The following MPDZ variants were observed in gnomAD, a reference collection of about 807,000 sequenced individuals.
MPDZ encodes the protein multiple PDZ domain crumbs cell polarity complex component.
MPDZ carries 234 observed loss-of-function variants against 239.1 expected under a neutral mutation model. The observed-to-expected ratio is 0.98, with a 90% CI of 0.88 to 1.09. The LOEUF (loss-of-function observed/expected upper bound fraction) is 1.09. Among genes scored for constraint, MPDZ ranks in the 50% least tolerant of loss-of-function variants. The pLI is 0.00. For synonymous variants in MPDZ, 1,048 were observed against 881.3 expected (o/e 1.19, Z -3.35); for missense variants, 3,175 against 2,510.0 (o/e 1.26, Z -5.66).
intron 3 of MPDZ, among the ~76,000 whole-genome samples, chr9:13,236,087 A>G (rs1011743845): frequency 6.6e-6 from 1 of 150,422 alleles, no homozygotes; most frequent in African/African-American, 2.4e-5. Context: ...TCAAACCTGC[A>G]AAGATCTTAT....
At chr9:13,130,798 A>G (rs959729341) in intron 32 of MPDZ, among the ~76,000 whole-genome samples, 4 of 152,222 alleles carry the variant, frequency 2.6e-5, no homozygotes, top group Admixed American at 1.3e-4. Context: ...AACCTTCTCC[A>G]TGAGCTCTTG....
At chr9:13,185,622 T>C (rs1006075830) in intron 18 of MPDZ, among the ~76,000 whole-genome samples, 1 of 152,168 alleles carries the variant, frequency 6.6e-6, no homozygotes, top group Admixed American at 6.6e-5. Context: ...TATTTAGTTT[T>C]ATCCTTTAGT....
chr9:13,171,333 G>C (rs1020070744), intron 21 of MPDZ, among the ~76,000 whole-genome samples: 1 of 152,138 alleles, frequency 6.6e-6, no homozygotes, highest in African/African-American at 2.4e-5. Context: ...AATGAAGCCT[G>C]TTAGTACAAC....
intron 3 of MPDZ, among the ~76,000 whole-genome samples, chr9:13,236,113 C>T (rs949626560): frequency 1.3e-5 from 2 of 148,590 alleles, no homozygotes; most frequent in East Asian, 2.0e-4. Flanking sequence ...CTTAAAACTA[C>T]GTAATAAGAG....
chr9:13,122,709 GT>G (rs932111943), intron 36 of MPDZ, among the ~76,000 whole-genome samples: 10 of 151,914 alleles, frequency 6.6e-5, no homozygotes, highest in Non-Finnish European at 1.2e-4. Context: ...TAGAGATAGG[GT>G]TTTGCCATGT....
intron 3 of MPDZ, among the ~76,000 whole-genome samples, chr9:13,232,655 A>C (rs973775554): frequency 4.6e-5 from 7 of 151,860 alleles, no homozygotes; most frequent in Non-Finnish European, 8.8e-5. Flanking sequence ...CCACAAAGAA[A>C]AAAATTTATT....
At chr9:13,109,588 T>C (rs977460149) in intron 45 of MPDZ, among the ~76,000 whole-genome samples, 2 of 152,196 alleles carry the variant, frequency 1.3e-5, no homozygotes, top group East Asian at 3.9e-4. Context: ...AATGATAATA[T>C]ATTAGATGAA....
chr9:13,188,978 C>A lies in MPDZ; in HGVS notation c.2170G>T (p.Ala724Ser), dbSNP rs759980012. ...ILDYQDPIDP[A>S]STVIIIRSLV... ...GAACGAATTATAATCACAGTGCTTG[C>A]TGGATCAATTGGATCCTGACAGAAG... Residue 724 changes from alanine (A) to serine (S), a missense_variant, in exon 17 of 47, where the codon GCA becomes TCA. Coordinates refer to ENST00000319217, the MANE Select transcript of MPDZ (RefSeq NM_001378778.1). 2.5e-6 allele frequency: 4 copies of A among 1,612,772 alleles called. No individual in the cohort carries two copies. The highest frequency in any genetic ancestry group is 8.5e-7 in the Non-Finnish European group (1 of 1,179,264).
intron 1 of MPDZ, among the ~76,000 whole-genome samples, chr9:13,251,233 TG>T (rs1018558618): frequency 1.3e-4 from 20 of 151,316 alleles, no homozygotes; most frequent in Admixed American, 1.3e-3. Flanking sequence ...AAATCACGGA[TG>T]AAAAACTGAA....
intron 13 of MPDZ, among the ~76,000 whole-genome samples, chr9:13,194,473 A>G (rs1009726188): frequency 2.0e-5 from 3 of 152,058 alleles, no homozygotes; most frequent in Non-Finnish European, 2.9e-5. Flanking sequence ...ATATGTTCTC[A>G]CTCATAAGTG....
chr9:13,277,856 C>G (rs1488741887), intron 1 of MPDZ, among the ~76,000 whole-genome samples: 3 of 152,164 alleles, frequency 2.0e-5, no homozygotes, highest in Non-Finnish European at 2.9e-5. Flanking sequence ...TGAGCCATTG[C>G]GCCTGGCCAA....
intron 1 of MPDZ, among the ~76,000 whole-genome samples, chr9:13,275,858 C>A (rs1974066543): frequency 6.6e-6 from 1 of 152,158 alleles, no homozygotes; most frequent in South Asian, 2.1e-4. Context: ...CCACTGCCCA[C>A]TCACATCCCA....
At chr9:13,135,057 A>C (rs1209380550) in intron 31 of MPDZ, 2 of 152,172 alleles carry the variant, frequency 1.3e-5, no homozygotes, top group African/African-American at 4.8e-5. Flanking sequence ...ATCATCTCTA[A>C]ACTGGAGACC....
At chr9:13,237,594 A>T (rs2137128494) in intron 3 of MPDZ, among the ~76,000 whole-genome samples, 1 of 152,214 alleles carries the variant, frequency 6.6e-6, no homozygotes, top group African/African-American at 2.4e-5. Flanking sequence ...AAAAAAAAAA[A>T]TTACTGAAAA....
Position 13,206,112 on chromosome 9 carries a change from A to C in MPDZ, c.1291-13T>G, listed in dbSNP as rs767775635. Reference sequence around the variant, plus strand: ...TTGTGCCATCTACCTGTGATTAAAAAAAAAAAAAAGCATGTTACATGTTAA... The same window carrying C: ...TTGTGCCATCTACCTGTGATTAAAACAAAAAAAAAGCATGTTACATGTTAA... On this transcript the variant is annotated splice_polypyrimidine_tract_variant and intron_variant, in intron 10 of 46. Coordinates refer to ENST00000319217, the MANE Select transcript of MPDZ (RefSeq NM_001378778.1). 6.4e-6 allele frequency: 10 copies of C among 1,571,662 alleles called. No individual in the cohort carries two copies. Among genetic ancestry groups the C allele is most frequent in the Non-Finnish European group, 8.6e-6 (10 of 1,162,910 alleles).
chr9:13,162,165 G>A (rs1950560858), intron 23 of MPDZ, among the ~76,000 whole-genome samples: 1 of 151,898 alleles, frequency 6.6e-6, no homozygotes, highest in Non-Finnish European at 1.5e-5. Context: ...CTGGGAGGCT[G>A]AGGTGGGAGG....
At chr9:13,262,779 T>C (rs569252914) in intron 1 of MPDZ, among the ~76,000 whole-genome samples, 2 of 152,058 alleles carry the variant, frequency 1.3e-5, no homozygotes, top group Non-Finnish European at 2.9e-5. Context: ...ACTCATTTTT[T>C]AAAGAACAGA....
chr9:13,211,364 T>C (rs1957596909), intron 10 of MPDZ, among the ~76,000 whole-genome samples: 1 of 152,090 alleles, frequency 6.6e-6, no homozygotes, highest in Non-Finnish European at 1.5e-5. Context: ...ATATTTGTTA[T>C]CACCAACTAA....
At chr9:13,206,749 G>C (rs2135712196) in intron 10 of MPDZ, among the ~76,000 whole-genome samples, 1 of 152,034 alleles carries the variant, frequency 6.6e-6, no homozygotes, top group East Asian at 2.0e-4. Flanking sequence ...TGACCATGTT[G>C]GCCAGGATGG....
Sources: gnomAD v4.1 joint callset for allele counts (sites outside exome capture counted in the v4.1 genomes callset) on GRCh38, gnomAD v4.1.1 for gene constraint, MANE v1.5 for transcripts, NCBI Gene and HGNC (gene_info 2026-07-23, HGNC 2026-07-21) for gene names.